Variants in PEBP4 observed in about 807,000 individuals in gnomAD.
PEBP4 encodes phosphatidylethanolamine-binding protein 4.
PEBP4 carries 22 observed loss-of-function variants against 23.9 expected under a neutral mutation model. That is an observed-to-expected ratio of 0.92 (90% CI 0.66 to 1.31). The LOEUF is 1.31. Ranked by LOEUF, PEBP4 falls within the 40% of genes most tolerant of loss-of-function variation. The pLI is 0.00. For synonymous variants in PEBP4, 112 were observed against 99.3 expected (o/e 1.13, Z -0.76); for missense variants, 324 against 281.7 (o/e 1.15, Z -1.07).
chr8:22,717,773 A>G (rs1402782672), intron 6 of PEBP4, among the ~76,000 whole-genome samples: 3 of 152,286 alleles, frequency 2.0e-5, no homozygotes, highest in African/African-American at 7.2e-5. Context: ...TAAGGGCACC[A>G]CTGCTTCTTG....
intron 4 of PEBP4, among the ~76,000 whole-genome samples, chr8:22,795,652 T>C (rs1806237543): frequency 6.6e-6 from 1 of 152,246 alleles, no homozygotes; most frequent in African/African-American, 2.4e-5. Flanking sequence ...TAAAAATTCC[T>C]TTTTGGTCAA....
chr8:22,731,210 C>T (rs1341764793), intron 4 of PEBP4, among the ~76,000 whole-genome samples: 1 of 152,128 alleles, frequency 6.6e-6, no homozygotes, highest in East Asian at 1.9e-4. Flanking sequence ...AGTGTGCCTG[C>T]CTCTCCCGCC....
intron 6 of PEBP4, among the ~76,000 whole-genome samples, chr8:22,723,234 A>G (rs1337334494): frequency 6.6e-6 from 1 of 152,090 alleles, no homozygotes; most frequent in Non-Finnish European, 1.5e-5. Context: ...CTGGTCACCA[A>G]CATCTTGGGA....
intron 2 of PEBP4, among the ~76,000 whole-genome samples, chr8:22,922,020 G>C (rs1046894834): frequency 6.6e-6 from 1 of 152,204 alleles, no homozygotes; most frequent in African/African-American, 2.4e-5. Flanking sequence ...TGGAATTGTT[G>C]TAAATATCAA....
At chr8:22,785,872 G>C (rs1053683865) in intron 4 of PEBP4, among the ~76,000 whole-genome samples, 2 of 152,206 alleles carry the variant, frequency 1.3e-5, no homozygotes, top group Non-Finnish European at 2.9e-5. Flanking sequence ...AGACAACGGG[G>C]CTACTCTAAA....
chr8:22,864,620 C>T (rs994170611), intron 3 of PEBP4, among the ~76,000 whole-genome samples: 9 of 152,162 alleles, frequency 5.9e-5, no homozygotes, highest in Non-Finnish European at 2.9e-5. Flanking sequence ...TCGGAGGAAG[C>T]GGCTTCCATT....
At chr8:22,798,692 G>A (rs1300392444) in intron 4 of PEBP4, 1 of 148,624 alleles carries the variant, frequency 6.7e-6, no homozygotes, top group Non-Finnish European at 1.5e-5. Flanking sequence ...GTCATCACTC[G>A]GTCATGTCCA....
chr8:22,935,700 T>A (rs1227426925), intron 1 of PEBP4, among the ~76,000 whole-genome samples: 1 of 152,218 alleles, frequency 6.6e-6, no homozygotes, highest in Non-Finnish European at 1.5e-5. Context: ...TAATATTGTA[T>A]AAAACTATCT....
intron 3 of PEBP4, among the ~76,000 whole-genome samples, chr8:22,818,095 G>C (rs545620561): frequency 6.6e-6 from 1 of 152,306 alleles, no homozygotes; most frequent in South Asian, 2.1e-4. Context: ...AGTGTAGTTG[G>C]AGTGACTTGT....
intron 4 of PEBP4, among the ~76,000 whole-genome samples, chr8:22,789,001 AAATGTT>A (rs1806082900): frequency 6.6e-6 from 1 of 152,256 alleles, no homozygotes; most frequent in Admixed American, 6.5e-5. Context: ...TGACATGGGA[AAATGTT>A]AATGATATAT....
At chr8:22,901,739 C>G (rs1808714885) in intron 3 of PEBP4, among the ~76,000 whole-genome samples, 1 of 152,178 alleles carries the variant, frequency 6.6e-6, no homozygotes, top group Non-Finnish European at 1.5e-5. Flanking sequence ...TAACTCTGGC[C>G]ACTGTTGAAA....
At chr8:22,836,974 G>C (rs1017056495) in intron 3 of PEBP4, among the ~76,000 whole-genome samples, 3 of 152,032 alleles carry the variant, frequency 2.0e-5, no homozygotes, top group Non-Finnish European at 2.9e-5. Context: ...TATCTCCCAA[G>C]CTACATTCAT....
At chr8:22,829,187 C>T (rs1240656171) in intron 3 of PEBP4, among the ~76,000 whole-genome samples, 1 of 152,182 alleles carries the variant, frequency 6.6e-6, no homozygotes, top group Non-Finnish European at 1.5e-5. Context: ...AACCCCAAAG[C>T]TGGGTAAACC....
intron 1 of PEBP4, among the ~76,000 whole-genome samples, chr8:22,938,712 T>C (rs1809571989): frequency 1.3e-5 from 2 of 152,130 alleles, no homozygotes; most frequent in South Asian, 4.2e-4. Flanking sequence ...CCCCCCATTA[T>C]AGATGTGGGT....
chr8:22,804,690 G>A (rs1435197442), intron 4 of PEBP4, among the ~76,000 whole-genome samples: 1 of 152,098 alleles, frequency 6.6e-6, no homozygotes, highest in East Asian at 1.9e-4. Flanking sequence ...CCCCTGAGAA[G>A]CCTTAAAAAT....
chr8:22,773,489 T>G (rs1805756277), intron 4 of PEBP4, among the ~76,000 whole-genome samples: 1 of 152,040 alleles, frequency 6.6e-6, no homozygotes, highest in Admixed American at 6.5e-5. Flanking sequence ...CTGTGGGATT[T>G]CTCAGCAGGC....
rs1002808333 is a variant in PEBP4, at chr8:22,940,505, TC to T, written c.145-12786del. On this transcript the variant is annotated intron_variant, in intron 1 of 1. Transcript: ENST00000522278. Reference sequence around the variant, plus strand: ...ATGAATTTCTCTTTTTTTTTTTTTTTCGAGACGGAGTCTTGCTCTGTCACCC... The same window carrying T: ...ATGAATTTCTCTTTTTTTTTTTTTTTGAGACGGAGTCTTGCTCTGTCACCC... 4.1e-5 allele frequency among the ~76,000 whole-genome samples: 6 copies of T among 146,294 alleles called. 1 individual carries two copies. The highest frequency in any genetic ancestry group is 1.3e-4 in the African/African-American group (5 of 39,062).
chr8:22,725,999 ATGTGTG>A (rs10680983), intron 5 of PEBP4, among the ~76,000 whole-genome samples: 1,565 of 146,426 alleles, frequency 0.011, 31 homozygotes, highest in African/African-American at 0.035. Context: ...GATCAGATAT[ATGTGTG>A]TGTGTGTGTG....
intron 3 of PEBP4, among the ~76,000 whole-genome samples, chr8:22,899,569 G>A (rs1808669187): frequency 6.6e-6 from 1 of 152,194 alleles, no homozygotes; most frequent in Non-Finnish European, 1.5e-5. Flanking sequence ...TCTGGAACCT[G>A]CGACTCACCC....
Sources: allele counts gnomAD v4.1 joint callset (sites outside exome capture counted in the v4.1 genomes callset), GRCh38; gene constraint gnomAD v4.1.1; transcripts MANE v1.5; gene names NCBI Gene and HGNC (gene_info 2026-07-23, HGNC 2026-07-21).